The following CARMIL1 variants were observed in gnomAD, a reference collection of about 807,000 sequenced individuals.
CARMIL1 encodes capping protein regulator and myosin 1 linker 1.
Under a neutral mutation model 177.1 loss-of-function variants are expected in CARMIL1, and 90 were observed. The observed-to-expected ratio is 0.51, with a 90% CI of 0.43 to 0.61. CARMIL1 has a LOEUF of 0.61. Ranked by LOEUF, CARMIL1 falls within the 20% of genes least tolerant of loss-of-function variation. CARMIL1 has a pLI of 0.00. For missense variants in CARMIL1, 1,380 were observed against 1,667.0 expected (o/e 0.83, Z 3.00); for synonymous variants, 577 against 606.2 (o/e 0.95, Z 0.71).
In CARMIL1 at chr6:25,281,123, CGTGT is replaced by C. The variant is rs772349175; in HGVS notation, c.40+1290_40+1293del. Among the ~76,000 whole-genome samples the C allele has an allele frequency of 6.1e-4, 75 of 123,034 alleles. 2 individuals carry two copies. The South Asian group carries it at 7.2e-3, about 12-fold the overall frequency. 80.7% of individuals were successfully genotyped at this position (123,034 alleles called of 152,430 possible). ...ATGAAATTATTCACAGACGCACGCG[CGTGT>C]GCGCGCGCGCACACACACACACACA... On this transcript the variant is annotated intron_variant, in intron 1 of 36. Coordinates refer to ENST00000329474, the MANE Select transcript of CARMIL1 (RefSeq NM_017640.6).
intron 27 of CARMIL1, among the ~76,000 whole-genome samples, chr6:25,551,863 G>A (rs749417881): frequency 1.2e-4 from 18 of 151,848 alleles, no homozygotes; most frequent in Non-Finnish European, 1.5e-4. Context: ...AGCTGGGGGC[G>A]GTGCTAACAC....
intron 2 of CARMIL1, among the ~76,000 whole-genome samples, chr6:25,413,046 C>T (rs553087339): frequency 6.6e-6 from 1 of 152,228 alleles, no homozygotes; most frequent in African/African-American, 2.4e-5. Flanking sequence ...AGGTTTTATT[C>T]TCCTTCAGTT....
At chr6:25,500,123 GTGTGTGGAA>G in intron 16 of CARMIL1, 34 bp from the exon 17 acceptor site, 2 of 1,557,822 alleles carry the variant, frequency 1.3e-6, no homozygotes, top group Non-Finnish European at 1.8e-6. Context: ...CTTTTGGGCA[GTGTGTGGAA>G]TGTGTATCTA....
intron 2 of CARMIL1, among the ~76,000 whole-genome samples, chr6:25,365,429 T>C (rs993987530): frequency 1.3e-5 from 2 of 152,344 alleles, no homozygotes; most frequent in African/African-American, 4.8e-5. Flanking sequence ...AAGCTGTCAG[T>C]GCACTGAGGG....
intron 2 of CARMIL1, among the ~76,000 whole-genome samples, chr6:25,396,585 C>A (rs1793419885): frequency 6.6e-6 from 1 of 152,114 alleles, no homozygotes; most frequent in African/African-American, 2.4e-5. Context: ...TGGTCTCGAA[C>A]TGCTGACCTC....
intron 7 of CARMIL1, 64 bp downstream of exon 7, chr6:25,450,473 C>A: frequency 7.1e-7 from 1 of 1,415,152 alleles, no homozygotes; most frequent in South Asian, 1.2e-5. Flanking sequence ...TAATGTTTGG[C>A]TGGCTTGTTT....
At chr6:25,427,003 T>C (rs1448805883) in intron 4 of CARMIL1, among the ~76,000 whole-genome samples, 1 of 152,168 alleles carries the variant, frequency 6.6e-6, no homozygotes, top group Non-Finnish European at 1.5e-5. Context: ...TTGATAAGTG[T>C]TGACATATGT....
Position 25,537,863 on chromosome 6 carries a change from CA to C in CARMIL1, c.2077del (p.Arg693GlufsTer4). On this transcript the variant is annotated frameshift_variant, in exon 25 of 37. Transcript: ENST00000329474. LOFTEE classifies it high-confidence loss of function. ...TTTCTGGTTTGGAGCAGATGATTGA[CA>C]GAATATGTGTGAAAGTACAAGATCA... The part of the protein sequence containing the change: ...VTSTTQQMID[R>X]ICVKVQDHLN... 1 of 1,610,702 alleles carries C rather than the reference CA, an allele frequency of 6.2e-7. No homozygotes were observed. Among genetic ancestry groups the C allele is most frequent in the Non-Finnish European group, 8.5e-7 (1 of 1,178,712 alleles).
At chr6:25,297,518 T>G (rs1024930088) in intron 2 of CARMIL1, among the ~76,000 whole-genome samples, 1 of 152,194 alleles carries the variant, frequency 6.6e-6, no homozygotes, top group Non-Finnish European at 1.5e-5. Flanking sequence ...GTTCAATATC[T>G]CTCTCTCTCT....
intron 2 of CARMIL1, among the ~76,000 whole-genome samples, chr6:25,394,613 A>G (rs2328880): frequency 0.59 from 90,263 of 152,038 alleles, 27,209 homozygotes; most frequent in East Asian, 0.7. Context: ...GGTTTGTGCA[A>G]GTGGTTAAGT....
intron 8 of CARMIL1, among the ~76,000 whole-genome samples, chr6:25,455,846 C>T (rs1007924374): frequency 1.3e-5 from 2 of 152,156 alleles, no homozygotes; most frequent in African/African-American, 4.8e-5. Flanking sequence ...TGAAACATGG[C>T]CTTGGCAGCT....
chr6:25,316,794 CTG>C (rs1003131585), intron 2 of CARMIL1, among the ~76,000 whole-genome samples: 19 of 152,146 alleles, frequency 1.2e-4, no homozygotes, highest in Non-Finnish European at 2.5e-4. Context: ...CTGTAACTGA[CTG>C]TGGACAATCA....
chr6:25,459,267 T>TTTTTCTTTCTTTCTTTCTTTCTTTC, intron 8 of CARMIL1, among the ~76,000 whole-genome samples: 1 of 109,478 alleles, frequency 9.1e-6, no homozygotes, highest in Non-Finnish European at 1.9e-5. Context: ...TCTTTCTTTC[T>TTTTTCTTTCTTTCTTTCTTTCTTTC]TTTTTTTTTT....
intron 23 of CARMIL1, among the ~76,000 whole-genome samples, chr6:25,525,940 A>G (rs1217217102): frequency 1.3e-5 from 2 of 152,194 alleles, no homozygotes. Flanking sequence ...GAAAACAGTT[A>G]CAAACATGGT....
chr6:25,518,227 A>G (rs997463502), intron 22 of CARMIL1, among the ~76,000 whole-genome samples: 7 of 152,196 alleles, frequency 4.6e-5, no homozygotes, highest in Admixed American at 3.3e-4. Flanking sequence ...CATGCCTGAC[A>G]TGGTGTTGTG....
In CARMIL1 at chr6:25,550,974, A is replaced by G. The variant is rs1810039955; in HGVS notation, c.2393A>G (p.His798Arg). ...NLCPNVMKKAHIRQDLIHAST... is the reference protein window; with the variant it reads ...NLCPNVMKKARIRQDLIHAST... The stretch of plus-strand genomic sequence containing the variant: ...TGTCCCAATGTGATGAAAAAAGCCC[A>G]CATTCGACAAGACTTGATTCATGCC... Residue 798 changes from histidine (H) to arginine (R), a missense_variant, in exon 27 of 37, where the codon CAC (histidine) becomes CGC (arginine). Transcript: ENST00000329474. 1.2e-6 allele frequency: 2 copies of G among 1,613,568 alleles called. No individual in the cohort carries two copies. The highest frequency in any genetic ancestry group is 2.7e-5 in the African/African-American group (2 of 74,988).
chr6:25,459,266 C>CTT lies in CARMIL1; in HGVS notation c.615-6594_615-6593dup, dbSNP rs769702901. On this transcript the variant is annotated intron_variant, in intron 8 of 36. Coordinates refer to ENST00000329474, the MANE Select transcript of CARMIL1 (RefSeq NM_017640.6). The stretch of plus-strand genomic sequence containing the variant: ...TCTTTCTTTCTTTCTTTCTTTCTTT[C>CTT]TTTTTTTTTTTTTTAAGACAGGGTC... Among the ~76,000 whole-genome samples the CTT allele has an allele frequency of 2.6e-3, 195 of 73,758 alleles. 10 individuals are homozygous for CTT. The highest frequency in any genetic ancestry group is 0.012 in the Middle Eastern group (2 of 162). The allele number at this position is 73,758 out of a possible 152,430, so 48.4% of individuals were successfully genotyped here.
intron 2 of CARMIL1, among the ~76,000 whole-genome samples, chr6:25,360,529 C>G (rs1789085594): frequency 6.6e-6 from 1 of 152,158 alleles, no homozygotes; most frequent in Non-Finnish European, 1.5e-5. Context: ...TTTGTTGTAT[C>G]AAATTCAGTT....
intron 8 of CARMIL1, among the ~76,000 whole-genome samples, chr6:25,461,298 C>CAT (rs142100105): frequency 1.8e-3 from 272 of 152,374 alleles, no homozygotes; most frequent in African/African-American, 6.4e-3. Context: ...TGCATGAAGT[C>CAT]ATGCCTCCTA....
Sources: allele counts gnomAD v4.1 joint callset (sites outside exome capture counted in the v4.1 genomes callset), GRCh38; gene constraint gnomAD v4.1.1; transcripts MANE v1.5; gene names NCBI Gene and HGNC (gene_info 2026-07-23, HGNC 2026-07-21).